BTBD16: variants seen among roughly 807,000 people sequenced by gnomAD.
BTBD16 encodes the protein BTB/POZ domain-containing protein 16.
Under a neutral mutation model 67.4 loss-of-function variants are expected in BTBD16, and 66 were observed. The ratio of observed to expected loss-of-function variants is 0.98; its 90% CI spans 0.80 to 1.20. The LOEUF is 1.20. BTBD16 is among the 50% of genes most tolerant of loss of function. The pLI, the probability that BTBD16 is intolerant of heterozygous loss-of-function variation, is 0.00. For missense variants in BTBD16, 634 were observed against 616.0 expected, an observed-to-expected ratio of 1.03 and a Z score of -0.31; for synonymous variants, 242 against 236.4, an observed-to-expected ratio of 1.02 and a Z score of -0.22.
chr10:122,280,139 T>G (rs527696965), intron 3 of BTBD16, among the ~76,000 whole-genome samples: 31 of 152,272 alleles, frequency 2.0e-4, no homozygotes, highest in African/African-American at 7.5e-4. Flanking sequence ...TCCTTGCGAG[T>G]ACTCTAATCT....
chr10:122,272,705 A>T (rs1185729989), intron 1 of BTBD16, among the ~76,000 whole-genome samples: 1 of 148,384 alleles, frequency 6.7e-6, no homozygotes, highest in East Asian at 2.0e-4. Flanking sequence ...ACACACACAC[A>T]CAGGACATAT....
chr10:122,337,953 C>T, intron 15 of BTBD16, 64 bp from the exon 16 acceptor site: 5 of 1,397,518 alleles, frequency 3.6e-6, no homozygotes, highest in Non-Finnish European at 5.0e-6. Context: ...CCTCTTTCCC[C>T]TTCTGGGGGG....
In BTBD16 at chr10:122,331,193, C is replaced by G; in HGVS notation, c.1021C>G (p.Leu341Val). 1 of 1,613,168 alleles carries G rather than the reference C, an allele frequency of 6.2e-7. No homozygotes were observed. The highest frequency in any genetic ancestry group is 8.5e-7 in the Non-Finnish European group (1 of 1,179,642). The change falls in exon 12 of 16, where the codon CTG (leucine) becomes GTG (valine). Residue 341 changes from leucine to valine, a missense_variant. Physicochemically the swap from Leu to Val is conservative, Grantham distance 32. Coordinates refer to ENST00000260723, the MANE Select transcript of BTBD16 (RefSeq NM_144587.5). The stretch of plus-strand genomic sequence containing the variant: ...CTTCCCAGGCAAGGATCTGGAGGTG[C>G]TGCGGCACCTTAACTTCTTCCCAGA... ...GITKGKDLEV[L>V]RHLNFFPESW...
intron 7 of BTBD16, among the ~76,000 whole-genome samples, chr10:122,292,854 A>G (rs565585665): frequency 6.6e-6 from 1 of 152,352 alleles, no homozygotes; most frequent in Admixed American, 6.5e-5. Flanking sequence ...AAGTTCAAGC[A>G]AAATTAGTAT....
At chr10:122,282,798 A>G (rs181752053) in intron 3 of BTBD16, among the ~76,000 whole-genome samples, 5 of 152,244 alleles carry the variant, frequency 3.3e-5, no homozygotes, top group Admixed American at 2.6e-4. Context: ...AAGACACTCC[A>G]GAAGGAGTTT....
chr10:122,316,139 C>T (rs1271629085), intron 10 of BTBD16, among the ~76,000 whole-genome samples: 4 of 152,004 alleles, frequency 2.6e-5, no homozygotes, highest in South Asian at 2.1e-4. Flanking sequence ...TGGTGGTGCA[C>T]GTCTGTAATT....
chr10:122,287,046 C>T (rs1294178352), intron 5 of BTBD16, among the ~76,000 whole-genome samples: 1 of 152,148 alleles, frequency 6.6e-6, no homozygotes, highest in Non-Finnish European at 1.5e-5. Context: ...GCAGCCGGAG[C>T]CCCCAGTCAC....
At chr10:122,303,061 A>G (rs546933943) in intron 9 of BTBD16, among the ~76,000 whole-genome samples, 1 of 152,370 alleles carries the variant, frequency 6.6e-6, no homozygotes, top group South Asian at 2.1e-4. Flanking sequence ...AGTTTCTGAA[A>G]AAAAAGTATA....
chr10:122,332,901 C>CTTATAGGGGTGAACT (rs2096457495), intron 13 of BTBD16: 1 of 985,114 alleles, frequency 1.0e-6, no homozygotes, highest in African/African-American at 1.7e-5. Flanking sequence ...CATGCCAAGT[C>CTTATAGGGGTGAACT]CATGTTTAAG....
chr10:122,286,517 TGCCA>T (rs1158556069), intron 5 of BTBD16, among the ~76,000 whole-genome samples: 2 of 152,160 alleles, frequency 1.3e-5, no homozygotes, highest in African/African-American at 4.8e-5. Context: ...TCTCAGTACA[TGCCA>T]GTTATTATCT....
At position 122,338,091 on chromosome 10, in the gene BTBD16, T is replaced by C. The variant is rs369992720; in HGVS notation, c.*6T>C. 5.7e-6 allele frequency: 9 copies of C among 1,584,084 alleles called. No individual in the cohort carries two copies. The African/African-American group carries it at 1.2e-4, about 21-fold the overall frequency. On this transcript the variant is annotated 3_prime_UTR_variant, in exon 16 of 16. Transcript: ENST00000260723. ...TCATCTTCCCAGCATCTTGACAGTT[T>C]CCAGAAGAATCTATGGGATTTTCCC...
At chr10:122,281,228 G>T (rs1363965832) in intron 3 of BTBD16, among the ~76,000 whole-genome samples, 1 of 152,168 alleles carries the variant, frequency 6.6e-6, no homozygotes, top group Non-Finnish European at 1.5e-5. Context: ...AGATGTCCTC[G>T]CAGTACTTTT....
chr10:122,317,330 T>A (rs2096427110), intron 10 of BTBD16, among the ~76,000 whole-genome samples: 2 of 152,214 alleles, frequency 1.3e-5, no homozygotes, highest in Admixed American at 1.3e-4. Context: ...GTTAATTTTT[T>A]ACTTTTTAAA....
chr10:122,294,432 C>T (rs1381936482), intron 7 of BTBD16, among the ~76,000 whole-genome samples: 1 of 152,222 alleles, frequency 6.6e-6, no homozygotes, highest in African/African-American at 2.4e-5. Flanking sequence ...ACACAGCTTC[C>T]ACTGGGTGAT....
intron 9 of BTBD16, 117 bp downstream of exon 9, chr10:122,299,251 T>C: frequency 3.2e-6 from 4 of 1,263,912 alleles, no homozygotes; most frequent in Non-Finnish European, 4.3e-6. Context: ...CTTCCTGCCC[T>C]CCTGGACAGC....
At chr10:122,275,972 A>C (rs146829840) in intron 2 of BTBD16, among the ~76,000 whole-genome samples, 6 of 152,374 alleles carry the variant, frequency 3.9e-5, no homozygotes, top group Admixed American at 3.3e-4. Context: ...CCATCAACTG[A>C]TGAAGGAATA....
rs116776547 is a variant in BTBD16, at chr10:122,302,598, C to T, written c.791+3464C>T. ...TGCATGTCCTCCTTGTTGCATCTGT[C>T]CCATGGCTTTGCCCTCCAGCATGGG... On this transcript the variant is annotated intron_variant, in intron 9 of 15. Transcript: ENST00000260723. Among the ~76,000 whole-genome samples the T allele has an allele frequency of 3.7e-3, 570 of 152,324 alleles. 4 individuals are homozygous for T. Among genetic ancestry groups the T allele is most frequent in the African/African-American group, 0.013 (537 of 41,570 alleles).
At position 122,279,711 on chromosome 10, in the gene BTBD16, C is replaced by A. The variant is rs2096348522; in HGVS notation, c.167+2772C>A. 2.6e-5 allele frequency among the ~76,000 whole-genome samples: 4 copies of A among 152,244 alleles called. No individual in the cohort carries two copies. In the South Asian group the frequency reaches 8.3e-4, roughly 32 times the overall value. On this transcript the variant is annotated intron_variant, in intron 3 of 15. Coordinates refer to ENST00000260723, the MANE Select transcript of BTBD16 (RefSeq NM_144587.5). The stretch of plus-strand genomic sequence containing the variant: ...TGGCAAACTCCACTGTCAGTAAGGG[C>A]CTGGAATGCCCCATGCAACATACGT...
At chr10:122,295,590 C>G (rs1197955175) in intron 7 of BTBD16, 3 of 952,702 alleles carry the variant, frequency 3.1e-6, no homozygotes, top group Admixed American at 6.2e-5. Context: ...AGAGGCTATG[C>G]AGAGGCTCAG....
Sources: allele counts gnomAD v4.1 joint callset (sites outside exome capture counted in the v4.1 genomes callset), GRCh38; gene constraint gnomAD v4.1.1; transcripts MANE v1.5; gene names NCBI Gene and HGNC (gene_info 2026-07-23, HGNC 2026-07-21).